The following R3HDM2 variants were observed in gnomAD, a reference collection of about 807,000 sequenced individuals.
R3HDM2 encodes R3H domain containing 2.
In R3HDM2, 38 loss-of-function variants were observed where a neutral mutation model predicts 124.5. That is an observed-to-expected ratio of 0.31 (90% CI 0.24 to 0.40). The LOEUF (loss-of-function observed/expected upper bound fraction) is 0.40. Ranked by LOEUF, R3HDM2 falls within the 10% of genes least tolerant of loss-of-function variation. The pLI, the probability that R3HDM2 is intolerant of heterozygous loss-of-function variation, is 1.00. For synonymous variants in R3HDM2, 391 were observed against 448.0 expected, an observed-to-expected ratio of 0.87 and a Z score of 1.61; for missense variants, 869 against 1,236.9, an observed-to-expected ratio of 0.70 and a Z score of 4.46.
chr12:57,292,523 A>AT, intron 11 of R3HDM2, 49 bp downstream of exon 11: 1 of 1,291,380 alleles, frequency 7.7e-7, no homozygotes, highest in Non-Finnish European at 1.1e-6. Context: ...AGTTCCAATG[A>AT]TTAAGAGCTA....
At chr12:57,273,673 C>T (rs111586005) in intron 14 of R3HDM2, among the ~76,000 whole-genome samples, 25 of 152,316 alleles carry the variant, frequency 1.6e-4, no homozygotes, top group African/African-American at 5.5e-4. Context: ...GGCATAGGTT[C>T]TCTCCACCCC....
intron 2 of R3HDM2, among the ~76,000 whole-genome samples, chr12:57,352,922 T>TG (rs544804058): frequency 2.6e-5 from 4 of 152,100 alleles, no homozygotes; most frequent in Non-Finnish European, 4.4e-5. Flanking sequence ...CCAGATGTGT[T>TG]GGGGCAATTA....
intron 2 of R3HDM2, among the ~76,000 whole-genome samples, chr12:57,355,627 TAA>T (rs2061203659): frequency 1.3e-5 from 2 of 152,196 alleles, no homozygotes; most frequent in African/African-American, 4.8e-5. Context: ...TCAGGTAGTT[TAA>T]GTCTTCCAAC....
chr12:57,366,329 T>A (rs2062651146), intron 2 of R3HDM2, among the ~76,000 whole-genome samples: 1 of 152,194 alleles, frequency 6.6e-6, no homozygotes, highest in Non-Finnish European at 1.5e-5. Flanking sequence ...CAGCCTTTTT[T>A]TCTATATTAC....
chr12:57,256,957 A>G (rs1007322445), intron 21 of R3HDM2, among the ~76,000 whole-genome samples: 1 of 151,984 alleles, frequency 6.6e-6, no homozygotes, highest in Admixed American at 6.6e-5. Context: ...CTGGGATTAC[A>G]AGCATGTGCC....
intron 2 of R3HDM2, among the ~76,000 whole-genome samples, chr12:57,382,451 T>G (rs2065041049): frequency 6.7e-6 from 1 of 149,878 alleles, no homozygotes; most frequent in South Asian, 2.1e-4. Context: ...TTCACCATGT[T>G]GGCCAGGCTG....
chr12:57,427,903 G>A (rs546815143), intron 1 of R3HDM2, among the ~76,000 whole-genome samples: 6 of 151,882 alleles, frequency 4.0e-5, no homozygotes, highest in African/African-American at 1.4e-4. Flanking sequence ...ATCACTTAGG[G>A]TCAGGAGTTG....
At chr12:57,344,062 CATATGTGCATGCAT>C (rs1369800551) in intron 2 of R3HDM2, among the ~76,000 whole-genome samples, 7 of 152,150 alleles carry the variant, frequency 4.6e-5, no homozygotes, top group Non-Finnish European at 8.8e-5. Context: ...TACGTATACA[CATATGTGCATGCAT>C]ATATGTGCAT....
At chr12:57,304,562 C>T (rs1297009149) in intron 3 of R3HDM2, 3 of 958,956 alleles carry the variant, frequency 3.1e-6, no homozygotes, top group South Asian at 9.7e-5. Context: ...AAATGGAGAA[C>T]TGGGAAGGTG....
chr12:57,316,433 CTATTT>C lies in R3HDM2; in HGVS notation c.-35-5975_-35-5971del, dbSNP rs368235207. On this transcript the variant is annotated intron_variant, in intron 2 of 23. Coordinates refer to ENST00000402412, the MANE Select transcript of R3HDM2 (RefSeq NM_001394031.1). ...GACTTTGTTGAATGGAAAAGGTTTC[CTATTT>C]TATTTAAAATTTTTTTAAGCCTCTG... Among the ~76,000 whole-genome samples the C allele has an allele frequency of 1.3e-3, 197 of 152,142 alleles. 3 individuals are homozygous for C. In the South Asian group the frequency reaches 0.028, roughly 22 times the overall value.
rs1747022554 is a variant in R3HDM2 at position 57,335,423 on chromosome 12, G to A, written c.-35-24960C>T. On this transcript the variant is annotated intron_variant, in intron 2 of 23. Coordinates refer to ENST00000402412, the MANE Select transcript of R3HDM2 (RefSeq NM_001394031.1). Reference sequence around the variant, plus strand: ...GGGTTTCACCATGTTGGCCAGGCTGGCCTCAAACTCCTGACCTCAGCCTCC... The same window carrying A: ...GGGTTTCACCATGTTGGCCAGGCTGACCTCAAACTCCTGACCTCAGCCTCC... Among the ~76,000 whole-genome samples, 3 of 150,614 alleles carry A rather than the reference G, an allele frequency of 2.0e-5. 1 individual carries two copies. In the South Asian group the frequency reaches 6.3e-4, roughly 32 times the overall value.
chr12:57,343,062 G>A (rs191058862), intron 2 of R3HDM2, among the ~76,000 whole-genome samples: 106 of 152,170 alleles, frequency 7.0e-4, no homozygotes, highest in African/African-American at 2.3e-3. Flanking sequence ...GTAAGTACAG[G>A]GATGACAATA....
intron 2 of R3HDM2, among the ~76,000 whole-genome samples, chr12:57,395,182 C>CACAGGGCAAG (rs2067304239): frequency 6.9e-6 from 1 of 144,506 alleles, no homozygotes; most frequent in Admixed American, 7.0e-5. Flanking sequence ...CAGCCTGGGC[C>CACAGGGCAAG]ACAGGGCAAG....
intron 14 of R3HDM2, among the ~76,000 whole-genome samples, chr12:57,274,006 C>T (rs2044151275): frequency 6.6e-6 from 1 of 152,172 alleles, no homozygotes; most frequent in African/African-American, 2.4e-5. Context: ...TACTGGCACA[C>T]CTATTTTCTG....
intron 2 of R3HDM2, among the ~76,000 whole-genome samples, chr12:57,391,415 T>C (rs968606780): frequency 6.6e-6 from 1 of 152,182 alleles, no homozygotes; most frequent in African/African-American, 2.4e-5. Flanking sequence ...AATAACAATA[T>C]TATATTAGTG....
At chr12:57,319,500 T>G (rs2055926953) in intron 2 of R3HDM2, among the ~76,000 whole-genome samples, 1 of 148,960 alleles carries the variant, frequency 6.7e-6, no homozygotes, top group South Asian at 2.2e-4. Context: ...AGAGGCAAAA[T>G]TTACCTCTTT....
Position 57,259,037 on chromosome 12 carries a change from A to G in R3HDM2, c.2154T>C (p.Gly718=). The part of the protein sequence containing the change: ...QYSGVSPSGP[G]VVVMQLNVPN... ...GGACATTCAGCTGCATGACCACTACACCTGGTCCAGAAGGTGACACTCCTG... is the reference window on the plus strand; with the variant it reads ...GGACATTCAGCTGCATGACCACTACGCCTGGTCCAGAAGGTGACACTCCTG... Residue 718 remains glycine, a synonymous_variant, in exon 20 of 24, where the codon GGT becomes GGC. Transcript: ENST00000402412. 6.2e-7 allele frequency: 1 copy of G among 1,612,544 alleles called. No individual in the cohort carries two copies. Among genetic ancestry groups the G allele is most frequent in the East Asian group, 2.2e-5 (1 of 44,826 alleles).
intron 2 of R3HDM2, among the ~76,000 whole-genome samples, chr12:57,310,740 GCATT>G (rs2053739417): frequency 6.6e-6 from 1 of 152,064 alleles, no homozygotes; most frequent in Non-Finnish European, 1.5e-5. Flanking sequence ...AACAGTGAGC[GCATT>G]CACCATGCCC....
At chr12:57,373,222 CG>C (rs1388034949) in intron 2 of R3HDM2, among the ~76,000 whole-genome samples, 2 of 152,056 alleles carry the variant, frequency 1.3e-5, no homozygotes, top group Non-Finnish European at 2.9e-5. Flanking sequence ...AATAACAAGC[CG>C]GGCGCGGTGG....
Sources: allele counts gnomAD v4.1 joint callset (sites outside exome capture counted in the v4.1 genomes callset), GRCh38; gene constraint gnomAD v4.1.1; transcripts MANE v1.5; gene names NCBI Gene and HGNC (gene_info 2026-07-23, HGNC 2026-07-21).